The following DNM3 variants were observed in gnomAD, a reference collection of about 807,000 sequenced individuals.
DNM3 encodes dynamin-3.
In DNM3, 47 loss-of-function variants were observed where a neutral mutation model predicts 101.6. That is an observed-to-expected ratio of 0.46 (90% CI 0.37 to 0.59). The LOEUF is 0.59. Ranked by LOEUF, DNM3 falls within the 20% of genes least tolerant of loss-of-function variation. The probability of loss-of-function intolerance (pLI) is 0.00; values close to 1 mark genes in which losing one functional copy is unlikely to be tolerated. For missense variants in DNM3, 849 were observed against 1,085.7 expected (o/e 0.78, Z 3.06); for synonymous variants, 385 against 387.9 (o/e 0.99, Z 0.09).
At chr1:172,374,915 A>T (rs1318227457) in intron 17 of DNM3, among the ~76,000 whole-genome samples, 1 of 152,090 alleles carries the variant, frequency 6.6e-6, no homozygotes, top group Admixed American at 6.6e-5. Flanking sequence ...CGTAGACCTT[A>T]TAATCCCTTA....
chr1:172,131,110 A>T, intron 13 of DNM3, 65 bp from the exon 14 acceptor site: 1 of 1,391,694 alleles, frequency 7.2e-7, no homozygotes, highest in Non-Finnish European at 1.0e-6. Context: ...TCTTAGTCCA[A>T]GACATCTAAT....
At chr1:172,205,969 A>G (rs183030719) in intron 14 of DNM3, among the ~76,000 whole-genome samples, 150 of 152,242 alleles carry the variant, frequency 9.9e-4, no homozygotes, top group African/African-American at 3.5e-3. Flanking sequence ...AATTTGCAGT[A>G]TCATGTGTTG....
At position 172,239,180 on chromosome 1, in the gene DNM3, G is replaced by A. The variant is rs534288844; in HGVS notation, c.1660-14393G>A. Among the ~76,000 whole-genome samples the A allele has an allele frequency of 1.6e-4, 24 of 152,202 alleles. No homozygotes were observed. In the Middle Eastern group the frequency reaches 0.01, roughly 65 times the overall value. ...TTAAATAGGCTCTCACTATTGTTTCGCTGCTTCACACCCTCCTGGTTTGCT... is the reference window on the plus strand; with the variant it reads ...TTAAATAGGCTCTCACTATTGTTTCACTGCTTCACACCCTCCTGGTTTGCT... On this transcript the variant is annotated intron_variant, in intron 14 of 20. Coordinates refer to ENST00000627582, the MANE Select transcript of DNM3 (RefSeq NM_015569.5).
intron 1 of DNM3, among the ~76,000 whole-genome samples, chr1:171,887,920 C>A (rs1426290297): frequency 6.6e-6 from 1 of 151,684 alleles, no homozygotes; most frequent in African/African-American, 2.4e-5. Context: ...GTATGTAAAA[C>A]AATCCTTATA....
intron 6 of DNM3, among the ~76,000 whole-genome samples, chr1:172,037,106 G>T (rs2049026950): frequency 6.6e-6 from 1 of 152,030 alleles, no homozygotes; most frequent in Non-Finnish European, 1.5e-5. Flanking sequence ...TCTCACACCA[G>T]TTAGAATGGC....
At chr1:172,229,739 A>G (rs1169141141) in intron 14 of DNM3, among the ~76,000 whole-genome samples, 5 of 151,904 alleles carry the variant, frequency 3.3e-5, no homozygotes, top group Non-Finnish European at 4.4e-5. Flanking sequence ...ACTACAAAAC[A>G]TACACGCACG....
chr1:172,014,621 T>C (rs1041851612), intron 4 of DNM3, among the ~76,000 whole-genome samples: 5 of 152,348 alleles, frequency 3.3e-5, no homozygotes, highest in African/African-American at 9.6e-5. Flanking sequence ...TTCAGGTATT[T>C]TTCTCATTTT....
intron 1 of DNM3, among the ~76,000 whole-genome samples, chr1:171,918,713 G>A (rs1478888605): frequency 6.6e-6 from 1 of 151,980 alleles, no homozygotes; most frequent in Non-Finnish European, 1.5e-5. Flanking sequence ...GTTGGATACT[G>A]GAATCTATTT....
At chr1:172,258,419 G>T (rs1055116366) in intron 15 of DNM3, among the ~76,000 whole-genome samples, 2 of 151,416 alleles carry the variant, frequency 1.3e-5, no homozygotes, top group Admixed American at 6.6e-5. Flanking sequence ...CATCCTCACC[G>T]CCATCAACAG....
At chr1:172,002,073 A>G (rs888712723) in intron 4 of DNM3, among the ~76,000 whole-genome samples, 3 of 152,084 alleles carry the variant, frequency 2.0e-5, no homozygotes, top group Admixed American at 2.0e-4. Context: ...CCTATTTTCC[A>G]GGTACTATAT....
intron 4 of DNM3, among the ~76,000 whole-genome samples, chr1:172,021,074 G>C (rs959456736): frequency 1.3e-5 from 2 of 152,214 alleles, no homozygotes; most frequent in African/African-American, 4.8e-5. Flanking sequence ...TCTAAGAAGG[G>C]TTGGTTTTTC....
In DNM3 at chr1:172,308,764, A is replaced by G. The variant is rs369757157; in HGVS notation, c.1806A>G (p.Ala602=). Residue 602 remains alanine, a synonymous_variant, in exon 16 of 21, where the codon GCA becomes GCG. Coordinates refer to ENST00000627582, the MANE Select transcript of DNM3 (RefSeq NM_015569.5). The stretch of plus-strand genomic sequence containing the variant: ...AAGACTATCGCTTCCTTGAGCTGGC[A>G]TGTGATTCCCAGGAGGATGTCGACA... ...VYKDYRFLEL[A]CDSQEDVDSW... 3.7e-6 allele frequency: 6 copies of G among 1,608,394 alleles called. No individual in the cohort carries two copies. The highest frequency in any genetic ancestry group is 2.2e-5 in the East Asian group (1 of 44,592).
chr1:172,368,205 G>A (rs371511659), intron 17 of DNM3, among the ~76,000 whole-genome samples: 24 of 151,758 alleles, frequency 1.6e-4, no homozygotes, highest in African/African-American at 4.3e-4. Context: ...ACATGCCCCC[G>A]GATAGATCAT....
chr1:172,289,663 T>A, intron 15 of DNM3: 1 of 984,640 alleles, frequency 1.0e-6, no homozygotes, highest in Non-Finnish European at 1.2e-6. Context: ...TATTTTTTGT[T>A]TCTTTTTAAT....
intron 2 of DNM3, among the ~76,000 whole-genome samples, chr1:171,979,893 G>A (rs962130477): frequency 3.9e-5 from 6 of 152,108 alleles, no homozygotes. Context: ...TTGCATCTTG[G>A]TTTTCTGCCT....
At chr1:172,041,924 C>T in intron 7 of DNM3, 85 bp from the exon 8 acceptor site, 3 of 1,443,132 alleles carry the variant, frequency 2.1e-6, no homozygotes, top group South Asian at 1.6e-5. Flanking sequence ...GAAAAGGATT[C>T]TAAGGAATAA....
chr1:172,054,563 G>A (rs544716748), intron 10 of DNM3, among the ~76,000 whole-genome samples: 8 of 151,666 alleles, frequency 5.3e-5, no homozygotes, highest in East Asian at 1.9e-4. Context: ...CTTGGGAACC[G>A]ACATTCTTGG....
intron 14 of DNM3, among the ~76,000 whole-genome samples, chr1:172,225,684 A>G (rs1304689073): frequency 6.6e-6 from 1 of 151,930 alleles, no homozygotes; most frequent in African/African-American, 2.4e-5. Flanking sequence ...AGCCCAGGAG[A>G]TGGAGTTTAC....
At chr1:171,906,330 C>A (rs578235300) in intron 1 of DNM3, among the ~76,000 whole-genome samples, 1 of 151,984 alleles carries the variant, frequency 6.6e-6, no homozygotes, top group South Asian at 2.1e-4. Context: ...GTCTTACCAT[C>A]TTTCCCAGGC....
Sources: allele counts gnomAD v4.1 joint callset (sites outside exome capture counted in the v4.1 genomes callset), GRCh38; gene constraint gnomAD v4.1.1; transcripts MANE v1.5; gene names NCBI Gene and HGNC (gene_info 2026-07-23, HGNC 2026-07-21).